Variants in POLL observed in about 807,000 individuals in gnomAD.
The protein encoded by POLL is DNA polymerase lambda, also known as DNA polymerase beta-2.
A neutral mutation model predicts 58.1 loss-of-function variants in POLL; 44 were observed. The ratio of observed to expected loss-of-function variants is 0.76; its 90% CI spans 0.60 to 0.97. POLL has a LOEUF of 0.97. POLL is among the 50% of genes least tolerant of loss of function. POLL has a pLI of 0.00. For synonymous variants in POLL, 290 were observed against 283.2 expected, an observed-to-expected ratio of 1.02 and a Z score of -0.24; for missense variants, 632 against 736.8, an observed-to-expected ratio of 0.86 and a Z score of 1.65.
In POLL at chr10:101,585,866, T is replaced by G. The variant is rs746604600; in HGVS notation, c.406A>C (p.Ser136Arg). ...AAAAGACTGGGATCAGCCCACCTAC[T>G]GGGGATGAAGATGCTGAATCCAGCT... ...DVAGFSIFIP[S>R]RYLDHPQPSK... Residue 136 changes from serine (S) to arginine (R), a missense_variant, in exon 3 of 9, where the codon AGT becomes CGT. Physicochemically the swap from Ser to Arg is moderately radical, Grantham distance 110. Transcript: ENST00000370162. 6.4e-7 allele frequency: 1 copy of G among 1,568,510 alleles called. No individual in the cohort carries two copies. Among genetic ancestry groups the G allele is most frequent in the Admixed American group, 1.8e-5 (1 of 55,552 alleles).
At position 101,580,484 on chromosome 10, in the gene POLL, G is replaced by T. The variant is rs951746632; in HGVS notation, c.1195-68C>A. ...AGCTCCTCTCCCACAGCAGTACAAG[G>T]GCCTTCCCAGACTCGGGCCCACACC... is the stretch of plus-strand genomic sequence containing the variant. On this transcript the variant is annotated intron_variant, in intron 7 of 8. Transcript: ENST00000370162. The surrounding 1 kb of genome is among the most constrained non-coding windows in gnomAD (Gnocchi z 4.1). 1 of 1,434,668 alleles carries T rather than the reference G, an allele frequency of 7.0e-7. No homozygotes were observed. Among genetic ancestry groups the T allele is most frequent in the Non-Finnish European group, 9.6e-7 (1 of 1,036,942 alleles). The allele number at this position is 1,434,668 out of a possible 1,614,324, so 88.9% of individuals were successfully genotyped here.
chr10:101,583,814 T>C (rs570550216), intron 5 of POLL, 133 bp from the exon 6 acceptor site: 2 of 713,958 alleles, frequency 2.8e-6, no homozygotes, highest in Non-Finnish European at 2.4e-6. Context: ...ACTGTGTGGC[T>C]GTGTAAAGCT....
In POLL at chr10:101,580,577, C is replaced by A; in HGVS notation, c.1195-161G>T. On this transcript the variant is annotated intron_variant, in intron 7 of 8. Coordinates refer to ENST00000370162, the MANE Select transcript of POLL (RefSeq NM_001174084.2). This position sits in a 1 kb window ranked among gnomAD's most constrained non-coding sequence, Gnocchi z 4.1. ...GAATCCACCCTGAGGAGCTGCTGTT[C>A]TTTCCCTTCGCTAGGACAGGAGAGA... 1.6e-6 allele frequency: 1 copy of A among 622,880 alleles called. No homozygotes were observed. The highest frequency in any genetic ancestry group is 2.8e-5 in the East Asian group (1 of 35,764). The allele number at this position is 622,880 out of a possible 1,614,324, so 38.6% of individuals were successfully genotyped here.
chr10:101,588,200 T>C lies in POLL; in HGVS notation c.-425A>G. Reference sequence around the variant, plus strand: ...CCGGGGGTGGGCAGGAATAGACCACTTACCAGCAGAGCCAATGAGAGCGGA... The same window carrying C: ...CCGGGGGTGGGCAGGAATAGACCACCTACCAGCAGAGCCAATGAGAGCGGA... On this transcript the variant is annotated 5_prime_UTR_variant, in exon 1 of 9. Transcript: ENST00000370162. The C allele has an allele frequency of 6.5e-7, 1 of 1,538,602 alleles. No individual in the cohort carries two copies.
intron 5 of POLL, 109 bp from the exon 6 acceptor site, chr10:101,583,790 C>T (rs2063139718): frequency 2.1e-6 from 2 of 947,514 alleles, no homozygotes; most frequent in East Asian, 2.6e-5. Flanking sequence ...AAAAGCCAGC[C>T]TGGCTGCTTG....
intron 3 of POLL, 115 bp from the exon 4 acceptor site, chr10:101,585,593 G>GT: frequency 1.0e-6 from 1 of 977,060 alleles, no homozygotes; most frequent in Non-Finnish European, 1.5e-6. Context: ...AAGAAAACGA[G>GT]TTTTTTGAGG....
In POLL at chr10:101,580,387, A is replaced by C; in HGVS notation, c.1224T>G (p.Ser408=). The C allele has an allele frequency of 6.2e-7, 1 of 1,613,796 alleles. No individual in the cohort carries two copies. Residue 408 remains serine, a synonymous_variant, in exon 8 of 9, where the codon TCT becomes TCG. Coordinates refer to ENST00000370162, the MANE Select transcript of POLL (RefSeq NM_001174084.2). This position sits in a 1 kb window ranked among gnomAD's most constrained non-coding sequence, Gnocchi z 4.1. ...AACCACATGCCACACACAGCAGCCC[A>C]GAGTTAAAGGCCTGGGCTGCTTTCT... The part of the protein sequence containing the change: ...TVQKAAQAFN[S]GLLCVACGSY...
chr10:101,587,554 G>T (rs2063451266), intron 1 of POLL, 148 bp from the exon 2 acceptor site: 5 of 1,415,946 alleles, frequency 3.5e-6, no homozygotes, highest in Non-Finnish European at 4.7e-6. Flanking sequence ...AACTTCAGTG[G>T]TTTAGCCTAG....
intron 3 of POLL, 148 bp from the exon 4 acceptor site, chr10:101,585,626 A>G: frequency 1.3e-6 from 1 of 792,522 alleles, no homozygotes; most frequent in Non-Finnish European, 1.9e-6. Flanking sequence ...CTCTTGAGAC[A>G]GGGTCTTGCT....
chr10:101,588,198 A>C lies in POLL; in HGVS notation c.-423T>G. 6.5e-7 allele frequency: 1 copy of C among 1,538,218 alleles called. No homozygotes were observed. The highest frequency in any genetic ancestry group is 1.2e-5 in the South Asian group (1 of 83,100). ...ACCCGGGGGTGGGCAGGAATAGACCACTTACCAGCAGAGCCAATGAGAGCG... is the reference window on the plus strand; with the variant it reads ...ACCCGGGGGTGGGCAGGAATAGACCCCTTACCAGCAGAGCCAATGAGAGCG... On this transcript the variant is annotated 5_prime_UTR_variant, in exon 1 of 9. Transcript: ENST00000370162.
At chr10:101,581,404 G>A (rs771276623) in intron 7 of POLL, 10 of 152,184 alleles carry the variant, frequency 6.6e-5, no homozygotes, top group African/African-American at 2.2e-4. Flanking sequence ...GCTGAGTGAC[G>A]GTGTCATCAC....
intron 2 of POLL, among the ~76,000 whole-genome samples, chr10:101,586,692 G>A (rs746870984): frequency 7.9e-5 from 12 of 151,984 alleles, no homozygotes; most frequent in Non-Finnish European, 1.5e-4. Flanking sequence ...ACAGGGTTTC[G>A]CCATGTTGCC....
At chr10:101,584,546 G>A in intron 5 of POLL, 56 bp downstream of exon 5, 2 of 1,274,598 alleles carry the variant, frequency 1.6e-6, no homozygotes, top group Non-Finnish European at 2.2e-6. Context: ...AACCCCACTG[G>A]GGTTACTAAC....
At chr10:101,583,734 T>C (rs2063136121) in intron 5 of POLL, 53 bp from the exon 6 acceptor site, 3 of 1,542,138 alleles carry the variant, frequency 1.9e-6, no homozygotes, top group African/African-American at 1.4e-5. Context: ...ATGGAAGAGG[T>C]AGAGCCAGTG....
In POLL at chr10:101,579,659, C is replaced by T. The variant is rs1398191709; in HGVS notation, c.1522G>A (p.Gly508Ser). 4.3e-6 allele frequency: 7 copies of T among 1,613,682 alleles called. No homozygotes were observed. Among genetic ancestry groups the T allele is most frequent in the Non-Finnish European group, 4.2e-6 (5 of 1,179,990 alleles). The part of the protein sequence containing the change: ...EFACALLYFT[G>S]SAHFNRSMRA... Reference sequence around the variant, plus strand: ...ATGGAGCGGTTGAAGTGTGCAGAGCCGGTGAAGTAGAGCAGGGCACAGGCA... The same window carrying T: ...ATGGAGCGGTTGAAGTGTGCAGAGCTGGTGAAGTAGAGCAGGGCACAGGCA... The change falls in exon 9 of 9, where the codon GGC (glycine) becomes AGC (serine). Residue 508 changes from glycine (G) to serine (S), a missense_variant. Transcript: ENST00000370162. The surrounding 1 kb of genome is among the most constrained non-coding windows in gnomAD (Gnocchi z 4.4).
Position 101,586,100 on chromosome 10 carries a change from C to A in POLL, c.172G>T (p.Ala58Ser), listed in dbSNP as rs755028193. 1.4e-5 allele frequency: 22 copies of A among 1,613,684 alleles called. No individual in the cohort carries two copies. The change falls in exon 3 of 9, where the codon GCA (alanine) becomes TCA (serine). Residue 58 changes from alanine (A) to serine (S), a missense_variant. Ala to Ser is a moderately conservative substitution (Grantham distance 99). Transcript: ENST00000370162. ...VVRTGIGRARAELFEKQIVQH... is the reference protein window; with the variant it reads ...VVRTGIGRARSELFEKQIVQH... Reference sequence around the variant, plus strand: ...ACAATCTGCTTCTCAAAGAGTTCTGCCCGGGCTCGTCCAATGCCAGTGCGC... The same window carrying A: ...ACAATCTGCTTCTCAAAGAGTTCTGACCGGGCTCGTCCAATGCCAGTGCGC...
intron 2 of POLL, chr10:101,587,019 T>C: frequency 1.2e-6 from 1 of 836,588 alleles, no homozygotes; most frequent in Non-Finnish European, 1.9e-6. Context: ...CCAGGGAGTC[T>C]TTTCTGATGG....
rs2063312655 is a variant in POLL at position 101,586,051 on chromosome 10, GGGCATAGCT to G, written c.212_220del (p.Gln71_Cys73del). The G allele has an allele frequency of 5.6e-6, 9 of 1,614,116 alleles. No homozygotes were observed. Among genetic ancestry groups the G allele is most frequent in the Non-Finnish European group, 7.6e-6 (9 of 1,180,040 alleles). Reference sequence around the variant, plus strand: ...GTGAGTGACACCTGGGCCCTGGGCAGGGCATAGCTGGCCGCCATGCTGAACAATCTGCTT... The same window carrying G: ...GTGAGTGACACCTGGGCCCTGGGCAGGGCCGCCATGCTGAACAATCTGCTT... On this transcript the variant is annotated inframe_deletion, in exon 3 of 9. Transcript: ENST00000370162.
chr10:101,582,586 AC>A (rs1386848543), intron 7 of POLL, among the ~76,000 whole-genome samples, 176 bp downstream of exon 7: 11 of 146,280 alleles, frequency 7.5e-5, no homozygotes, highest in Admixed American at 6.9e-4. Context: ...AAAGCTCCCC[AC>A]CCCCACCTCT....
Sources: allele counts gnomAD v4.1 joint callset (sites outside exome capture counted in the v4.1 genomes callset), GRCh38; gene constraint gnomAD v4.1.1; non-coding constraint Gnocchi (gnomAD v3.1); transcripts MANE v1.5; gene names NCBI Gene and HGNC (gene_info 2026-07-23, HGNC 2026-07-21).